Variants in BCAS3 observed in about 807,000 individuals in gnomAD.
The protein encoded by BCAS3 is BCAS4/BCAS3 fusion.
In BCAS3, 53 loss-of-function variants were observed where a neutral mutation model predicts 116.1. That is an observed-to-expected ratio of 0.46 (90% confidence interval 0.37 to 0.57). The LOEUF is 0.57. BCAS3 is among the 20% of genes least tolerant of loss of function. BCAS3 has a pLI of 0.00. For synonymous variants in BCAS3, 391 were observed against 408.2 expected, an observed-to-expected ratio of 0.96 and a Z score of 0.51; for missense variants, 917 against 1,165.4, an observed-to-expected ratio of 0.79 and a Z score of 3.10.
At chr17:61,016,101 T>C (rs1411737740) in intron 16 of BCAS3, among the ~76,000 whole-genome samples, 200 bp downstream of exon 16, 1 of 152,202 alleles carries the variant, frequency 6.6e-6, no homozygotes, top group Non-Finnish European at 1.5e-5. Context: ...CACACATTCA[T>C]CGAGAAAAAC....
intron 22 of BCAS3, among the ~76,000 whole-genome samples, chr17:61,103,598 A>G (rs1407549997): frequency 6.6e-6 from 1 of 152,178 alleles, no homozygotes; most frequent in East Asian, 1.9e-4. Flanking sequence ...AAATGAAGCT[A>G]TTTGGTTTGC....
At chr17:60,776,126 C>T (rs1373764233) in intron 6 of BCAS3, among the ~76,000 whole-genome samples, 1 of 152,036 alleles carries the variant, frequency 6.6e-6, no homozygotes, top group Non-Finnish European at 1.5e-5. Context: ...CAGTATTTTG[C>T]CCTGAGAAAT....
chr17:61,163,802 C>T (rs908145027), intron 22 of BCAS3, among the ~76,000 whole-genome samples: 2 of 152,012 alleles, frequency 1.3e-5, no homozygotes, highest in Non-Finnish European at 2.9e-5. Context: ...GCTTGACCAA[C>T]ATGGAGAAAC....
chr17:61,233,303 G>A lies in BCAS3; in HGVS notation c.2426-135024G>A, dbSNP rs762964248. Among the ~76,000 whole-genome samples the A allele has an allele frequency of 3.9e-5, 6 of 152,106 alleles. No individual in the cohort carries two copies. Among genetic ancestry groups the A allele is most frequent in the Admixed American group, 2.0e-4 (3 of 15,260 alleles). On this transcript the variant is annotated intron_variant, in intron 22 of 23. Transcript: ENST00000407086. The surrounding 1 kb of genome is among the most constrained non-coding windows in gnomAD (Gnocchi z 4.3). Reference sequence around the variant, plus strand: ...GCCCCAGGGAAGAGTTTGGACCCCAGGCTTTTACAGGTTTGTAGTAAAATC... The same window carrying A: ...GCCCCAGGGAAGAGTTTGGACCCCAAGCTTTTACAGGTTTGTAGTAAAATC...
intron 22 of BCAS3, among the ~76,000 whole-genome samples, chr17:61,102,303 T>C (rs1271424085): frequency 6.6e-6 from 1 of 152,166 alleles, no homozygotes; most frequent in Non-Finnish European, 1.5e-5. Flanking sequence ...TTAACATCTG[T>C]TTTTAAATCT....
chr17:60,898,444 GTCTGATTTTTTTTT>G (rs1202889671), intron 10 of BCAS3, among the ~76,000 whole-genome samples: 5 of 152,190 alleles, frequency 3.3e-5, no homozygotes, highest in Admixed American at 3.3e-4. Flanking sequence ...CGGTAATGTA[GTCTGATTTTTTTTT>G]TCTGTATACA....
rs1485638725 is a variant in BCAS3 at position 61,208,877 on chromosome 17, G to A, written c.2425+124313G>A. ...TTGCTAAGAGAAAAGTGCTAAAAAG[G>A]AAAAAAAAAAAAAAAGGAGGGCCTG... On this transcript the variant is annotated intron_variant, in intron 22 of 23. Transcript: ENST00000407086. This position sits in a 1 kb window ranked among gnomAD's most constrained non-coding sequence, Gnocchi z 4.5. 7.0e-5 allele frequency among the ~76,000 whole-genome samples: 10 copies of A among 143,762 alleles called. No homozygotes were observed. The highest frequency in any genetic ancestry group is 1.0e-4 in the African/African-American group (4 of 38,864). 94.3% of individuals were successfully genotyped at this position (143,762 alleles called of 152,430 possible).
chr17:60,880,955 T>TTG (rs2056077755), intron 9 of BCAS3, among the ~76,000 whole-genome samples: 1 of 151,046 alleles, frequency 6.6e-6, no homozygotes, highest in African/African-American at 2.5e-5. Context: ...TTTCTTCTTT[T>TTG]TTTTGTTTTG....
Position 61,227,961 on chromosome 17 carries a change from C to T in BCAS3, c.2426-140366C>T, listed in dbSNP as rs949524073. 6.6e-6 allele frequency among the ~76,000 whole-genome samples: 1 copy of T among 152,124 alleles called. No individual in the cohort carries two copies. Among genetic ancestry groups the T allele is most frequent in the African/African-American group, 2.4e-5 (1 of 41,414 alleles). ...CCCTCAGGGAAATAAAGTGCAAAGGCTTAGCCACAGGTGTAGCCATAGAAT... is the reference window on the plus strand; with the variant it reads ...CCCTCAGGGAAATAAAGTGCAAAGGTTTAGCCACAGGTGTAGCCATAGAAT... On this transcript the variant is annotated intron_variant, in intron 22 of 23. Transcript: ENST00000407086. The surrounding 1 kb of genome is among the most constrained non-coding windows in gnomAD (Gnocchi z 6.1).
Position 60,973,586 on chromosome 17 carries a change from A to ATATATAT in BCAS3, c.1222-16385_1222-16384insTATATAT, listed in dbSNP as rs752524305. On this transcript the variant is annotated intron_variant, in intron 14 of 23. Coordinates refer to ENST00000407086, the MANE Select transcript of BCAS3 (RefSeq NM_017679.5). ...TAGACATTGCTATTACCTTATTATT[A>ATATATAT]ATATATATATATATATATATATGTA... Among the ~76,000 whole-genome samples, 736 of 137,940 alleles carry ATATATAT rather than the reference A, an allele frequency of 5.3e-3. 31 individuals carry two copies. Among genetic ancestry groups the ATATATAT allele is most frequent in the African/African-American group, 0.02 (696 of 34,926 alleles). 90.5% of individuals were successfully genotyped at this position (137,940 alleles called of 152,430 possible). A position where few individuals can be genotyped will look rare whatever the true frequency, so the allele number is the denominator to read the frequency against.
At chr17:61,212,197 GA>G (rs542091630) in intron 22 of BCAS3, among the ~76,000 whole-genome samples, 19 of 152,160 alleles carry the variant, frequency 1.2e-4, no homozygotes, top group Non-Finnish European at 2.6e-4. Context: ...TGTTCTACTG[GA>G]AGGATATCCT....
In BCAS3 at chr17:61,333,583, G is replaced by A. The variant is rs1456468663; in HGVS notation, c.2426-34744G>A. Among the ~76,000 whole-genome samples, 1 of 151,428 alleles carries A rather than the reference G, an allele frequency of 6.6e-6. No homozygotes were observed. Among genetic ancestry groups the A allele is most frequent in the Admixed American group, 6.6e-5 (1 of 15,192 alleles). On this transcript the variant is annotated intron_variant, in intron 22 of 23. Coordinates refer to ENST00000407086, the MANE Select transcript of BCAS3 (RefSeq NM_017679.5). The surrounding 1 kb of genome is among the most constrained non-coding windows in gnomAD (Gnocchi z 4.8). ...AGCCCCTTTCTTGCCCACTAAACTA[G>A]CACTAGAGCTTTATCAAGTTCTTGA...
At chr17:61,374,250 A>T (rs1568968921) in intron 23 of BCAS3, among the ~76,000 whole-genome samples, 1 of 149,428 alleles carries the variant, frequency 6.7e-6, no homozygotes, top group South Asian at 2.1e-4. Flanking sequence ...GGCTCACTGC[A>T]ACCTCTGCCT....
rs551554774 is a variant in BCAS3 at position 61,131,071 on chromosome 17, A to G, written c.2425+46507A>G. On this transcript the variant is annotated intron_variant, in intron 22 of 23. Coordinates refer to ENST00000407086, the MANE Select transcript of BCAS3 (RefSeq NM_017679.5). The surrounding 1 kb of genome is among the most constrained non-coding windows in gnomAD (Gnocchi z 4.4). Reference sequence around the variant, plus strand: ...ACTCTGTCTCAAAAAGGGGGAAAAAAAAAGATGTTGGAGACCTAGGTTCTA... The same window carrying G: ...ACTCTGTCTCAAAAAGGGGGAAAAAGAAAGATGTTGGAGACCTAGGTTCTA... Among the ~76,000 whole-genome samples the G allele has an allele frequency of 6.6e-6, 1 of 152,302 alleles. No individual in the cohort carries two copies. Among genetic ancestry groups the G allele is most frequent in the South Asian group, 2.1e-4 (1 of 4,826 alleles).
chr17:60,851,209 A>T (rs1460474006), intron 7 of BCAS3, among the ~76,000 whole-genome samples: 1 of 152,156 alleles, frequency 6.6e-6, no homozygotes, highest in East Asian at 1.9e-4. Flanking sequence ...GAACTAAAAA[A>T]CTCTTAAACC....
At position 61,249,763 on chromosome 17, in the gene BCAS3, T is replaced by C. The variant is rs2048232151; in HGVS notation, c.2426-118564T>C. On this transcript the variant is annotated intron_variant, in intron 22 of 23. Transcript: ENST00000407086. This position sits in a 1 kb window ranked among gnomAD's most constrained non-coding sequence, Gnocchi z 6.2. ...TAAGTAGCTGCTCTCTGCCCATTAT[T>C]TTGATAATTACTACACCTTAATCTG... 6.6e-6 allele frequency among the ~76,000 whole-genome samples: 1 copy of C among 152,186 alleles called. No homozygotes were observed. Among genetic ancestry groups the C allele is most frequent in the Non-Finnish European group, 1.5e-5 (1 of 68,038 alleles).
chr17:61,214,176 C>G lies in BCAS3; in HGVS notation c.2425+129612C>G, dbSNP rs2081633822. Among the ~76,000 whole-genome samples, 1 of 151,894 alleles carries G rather than the reference C, an allele frequency of 6.6e-6. No homozygotes were observed. Among genetic ancestry groups the G allele is most frequent in the African/African-American group, 2.4e-5 (1 of 41,338 alleles). ...GGTCAGGAGTTCAAGACCAGCCTGT[C>G]CAACATGGCGAAACCCCATCTCTAT... On this transcript the variant is annotated intron_variant, in intron 22 of 23. Transcript: ENST00000407086. This position sits in a 1 kb window ranked among gnomAD's most constrained non-coding sequence, Gnocchi z 4.4.
At chr17:60,817,838 T>C (rs1431489678) in intron 7 of BCAS3, among the ~76,000 whole-genome samples, 1 of 151,354 alleles carries the variant, frequency 6.6e-6, no homozygotes, top group Non-Finnish European at 1.5e-5. Flanking sequence ...TAAATTTACT[T>C]TGAGAAAAGC....
chr17:60,754,620 AGAAAG>A (rs1389927284), intron 6 of BCAS3, among the ~76,000 whole-genome samples: 4 of 152,080 alleles, frequency 2.6e-5, no homozygotes, highest in Non-Finnish European at 2.9e-5. Context: ...CTGCTCCTGG[AGAAAG>A]ACAATCATTT....
Sources: allele counts gnomAD v4.1 joint callset (sites outside exome capture counted in the v4.1 genomes callset), GRCh38; gene constraint gnomAD v4.1.1; non-coding constraint Gnocchi (gnomAD v3.1); transcripts MANE v1.5; gene names NCBI Gene and HGNC (gene_info 2026-07-23, HGNC 2026-07-21).